The following ZNF831 variants were observed in gnomAD, a reference collection of about 807,000 sequenced individuals.
ZNF831 encodes the protein chromosome 20 open reading frame 174.
A neutral mutation model predicts 95.8 loss-of-function variants in ZNF831; 59 were observed. The observed-to-expected ratio is 0.62, with a 90% CI of 0.50 to 0.77. The LOEUF is 0.77. ZNF831 is among the 30% of genes least tolerant of loss of function. The pLI is 0.00. For missense variants in ZNF831, 2,205 were observed against 2,164.0 expected (o/e 1.02, Z -0.38); for synonymous variants, 961 against 925.5 (o/e 1.04, Z -0.70).
In ZNF831 at chr20:59,128,750, T is replaced by A. The variant is rs546666536; in HGVS notation, c.-1425+5245T>A. On this transcript the variant is annotated intron_variant, in intron 1 of 7. Coordinates refer to the ZNF831 transcript ENST00000637017. ...GAAATGGATGTACTTTAAAACACTT[T>A]TTATTTTGAAATTATTTATTTATTT... is the stretch of plus-strand genomic sequence containing the variant. Among the ~76,000 whole-genome samples, 134 of 152,258 alleles carry A rather than the reference T, an allele frequency of 8.8e-4. 1 individual carries two copies. Among genetic ancestry groups the A allele is most frequent in the African/African-American group, 3.0e-3 (124 of 41,560 alleles).
intron 1 of ZNF831, among the ~76,000 whole-genome samples, chr20:59,129,288 C>T (rs143016930): frequency 9.3e-4 from 141 of 152,098 alleles, no homozygotes; most frequent in African/African-American, 3.1e-3. Context: ...AGTTCTGTGC[C>T]GTTTTATCAC....
intron 1 of ZNF831, among the ~76,000 whole-genome samples, chr20:59,128,826 A>G (rs952647460): frequency 1.3e-5 from 2 of 152,150 alleles, no homozygotes; most frequent in African/African-American, 2.4e-5. Flanking sequence ...CAGTGGTGCA[A>G]TCTTGGCTCA....
Position 59,242,169 on chromosome 20 carries a change from T to A in ZNF831, c.4028-10809T>A, listed in dbSNP as rs371302389. 6.5e-3 allele frequency among the ~76,000 whole-genome samples: 993 copies of A among 152,268 alleles called. 15 individuals are homozygous for A. The highest frequency in any genetic ancestry group is 0.023 in the African/African-American group (951 of 41,546). ...TGTTTCTAGTTTGACAAGAGCCCAT[T>A]TTTCCCCCCTCAGGATTAATGAAGG... On this transcript the variant is annotated intron_variant, in intron 4 of 5. Coordinates refer to ENST00000371030, the MANE Select transcript of ZNF831 (RefSeq NM_178457.3).
Position 59,192,303 on chromosome 20 carries a change from G to A in ZNF831, c.1284G>A (p.Arg428=), listed in dbSNP as rs777268015. ...ACGATGCCCAGCTGGACAACGTGCG[G>A]CCCCGGAAGACCGGGCTGTCCAAAC... ...VVDDAQLDNV[R]PRKTGLSKQG... The change falls in exon 2 of 6, where the codon CGG becomes CGA. Residue 428 remains arginine (R), a synonymous_variant. Transcript: ENST00000371030. This position sits in a 1 kb window ranked among gnomAD's most constrained non-coding sequence, Gnocchi z 5.2. 1.9e-6 allele frequency: 3 copies of A among 1,591,412 alleles called. No homozygotes were observed. The highest frequency in any genetic ancestry group is 1.7e-5 in the Admixed American group (1 of 57,632).
chr20:59,234,881 G>A (rs1485345989), intron 4 of ZNF831, among the ~76,000 whole-genome samples: 1 of 152,176 alleles, frequency 6.6e-6, no homozygotes. Flanking sequence ...TCTTATATTC[G>A]TATGGCACAT....
chr20:59,216,327 C>T (rs1463850047), intron 4 of ZNF831, among the ~76,000 whole-genome samples: 2 of 152,214 alleles, frequency 1.3e-5, no homozygotes, highest in Non-Finnish European at 2.9e-5. Flanking sequence ...TGCAAAGACC[C>T]TCCTGGAAGA....
At chr20:59,222,752 G>C (rs1555833113) in intron 4 of ZNF831, among the ~76,000 whole-genome samples, 1 of 152,210 alleles carries the variant, frequency 6.6e-6, no homozygotes, top group Non-Finnish European at 1.5e-5. Flanking sequence ...GCACGGCCTG[G>C]AGTCCGGTCT....
chr20:59,227,081 C>A (rs760499800), intron 4 of ZNF831, among the ~76,000 whole-genome samples: 1 of 152,116 alleles, frequency 6.6e-6, no homozygotes, highest in Non-Finnish European at 1.5e-5. Flanking sequence ...ATAATTGTAT[C>A]CCAAATGCTC....
intron 4 of ZNF831, among the ~76,000 whole-genome samples, chr20:59,249,273 C>A (rs192030104): frequency 5.9e-5 from 9 of 152,248 alleles, no homozygotes; most frequent in Non-Finnish European, 1.0e-4. Context: ...TTTACTACCC[C>A]CTGCTTATCA....
At chr20:59,126,551 C>T (rs1601287545) in intron 1 of ZNF831, among the ~76,000 whole-genome samples, 2 of 152,352 alleles carry the variant, frequency 1.3e-5, no homozygotes, top group African/African-American at 4.8e-5. Flanking sequence ...TCCAGCCACA[C>T]CCTATTTTCC....
chr20:59,202,504 T>C (rs1984607122), intron 3 of ZNF831, among the ~76,000 whole-genome samples: 1 of 152,162 alleles, frequency 6.6e-6, no homozygotes, highest in Non-Finnish European at 1.5e-5. Context: ...CTTTGAGATG[T>C]GGGTTGAAGG....
intron 1 of ZNF831, among the ~76,000 whole-genome samples, chr20:59,187,164 T>G (rs1009471813): frequency 6.6e-6 from 1 of 152,122 alleles, no homozygotes; most frequent in African/African-American, 2.4e-5. Context: ...CATAGAATCC[T>G]TAGCAGTGGT....
At chr20:59,239,078 G>C (rs1367933182) in intron 4 of ZNF831, among the ~76,000 whole-genome samples, 1 of 152,330 alleles carries the variant, frequency 6.6e-6, no homozygotes, top group African/African-American at 2.4e-5. Context: ...AAAGCATGTA[G>C]ATATGACAAT....
chr20:59,178,050 G>A (rs1162987324), intron 1 of ZNF831, among the ~76,000 whole-genome samples: 1 of 152,198 alleles, frequency 6.6e-6, no homozygotes, highest in Non-Finnish European at 1.5e-5. Flanking sequence ...GATGCGGCGA[G>A]AAGCTTGTAT....
chr20:59,133,526 C>T (rs1249358179), intron 1 of ZNF831, among the ~76,000 whole-genome samples: 1 of 152,134 alleles, frequency 6.6e-6, no homozygotes, highest in Non-Finnish European at 1.5e-5. Context: ...ATGGCCCTGC[C>T]CATGGGCAGA....
At chr20:59,145,303 TG>T (rs1266485065) in intron 1 of ZNF831, among the ~76,000 whole-genome samples, 1 of 152,230 alleles carries the variant, frequency 6.6e-6, no homozygotes, top group Admixed American at 6.5e-5. Flanking sequence ...TGTGTGTTTG[TG>T]TGTGTCATTG....
chr20:59,242,729 G>A (rs1987402314), intron 4 of ZNF831, among the ~76,000 whole-genome samples: 1 of 152,216 alleles, frequency 6.6e-6, no homozygotes, highest in African/African-American at 2.4e-5. Context: ...GGTATGGGTT[G>A]CTAGATTTTG....
intron 1 of ZNF831, among the ~76,000 whole-genome samples, chr20:59,127,492 C>G (rs935178956): frequency 1.3e-5 from 2 of 152,202 alleles, no homozygotes; most frequent in African/African-American, 4.8e-5. Flanking sequence ...GCCAGCCCCA[C>G]GGGGCTCCCT....
chr20:59,245,005 C>T (rs1228455515), intron 4 of ZNF831, among the ~76,000 whole-genome samples: 1 of 152,196 alleles, frequency 6.6e-6, no homozygotes, highest in Non-Finnish European at 1.5e-5. Context: ...TTATAAGATA[C>T]CACCAAATTA....
Sources: gnomAD v4.1 joint callset for allele counts (sites outside exome capture counted in the v4.1 genomes callset) on GRCh38, gnomAD v4.1.1 for gene constraint, Gnocchi (gnomAD v3.1) non-coding constraint, MANE v1.5 for transcripts, NCBI Gene and HGNC (gene_info 2026-07-23, HGNC 2026-07-21) for gene names.